The following RBFOX1 variants were observed in gnomAD, a reference collection of about 807,000 sequenced individuals.
RBFOX1 encodes the protein RNA binding fox-1 homolog 1, also known as RNA binding protein fox-1 homolog 1.
In RBFOX1, 8 loss-of-function variants were observed where a neutral mutation model predicts 57.7. The observed-to-expected ratio is 0.14, with a 90% confidence interval of 0.08 to 0.25. RBFOX1 has a LOEUF of 0.25. RBFOX1 is among the 10% of genes least tolerant of loss of function. The probability of loss-of-function intolerance (pLI) is 1.00; values close to 1 mark genes in which losing one functional copy is unlikely to be tolerated. For missense variants in RBFOX1, 611 were observed against 548.5 expected, an observed-to-expected ratio of 1.11 and a Z score of -1.14; for synonymous variants, 326 against 222.4, an observed-to-expected ratio of 1.47 and a Z score of -4.15.
intron 2 of RBFOX1, among the ~76,000 whole-genome samples, chr16:6,646,099 CTT>C (rs3045233): frequency 0.64 from 96,686 of 150,020 alleles, 31,080 homozygotes; most frequent in African/African-American, 0.72. Flanking sequence ...ATACTTAACA[CTT>C]TTAAGTAGTT....
chr16:7,170,032 C>G lies in RBFOX1; in HGVS notation c.27+117934C>G, dbSNP rs545715719. ...GAGGTTGCAGTGAACCAAGATTGTGCCAATGCACTCTAGCCTAGGTGATAG... is the reference window on the plus strand; with the variant it reads ...GAGGTTGCAGTGAACCAAGATTGTGGCAATGCACTCTAGCCTAGGTGATAG... On this transcript the variant is annotated intron_variant, in intron 4 of 15. Transcript: ENST00000550418. Among the ~76,000 whole-genome samples, 86 of 152,158 alleles carry G rather than the reference C, an allele frequency of 5.7e-4. 1 individual carries two copies. Among genetic ancestry groups the G allele is most frequent in the Non-Finnish European group, 9.6e-4 (65 of 68,008 alleles).
At chr16:6,937,946 G>A (rs1168417312) in intron 3 of RBFOX1, among the ~76,000 whole-genome samples, 3 of 125,730 alleles carry the variant, frequency 2.4e-5, no homozygotes, top group Non-Finnish European at 3.2e-5. Context: ...ACTTTGGAAT[G>A]CCCTGGCTGA....
At chr16:7,702,450 C>T (rs2081059774) in intron 14 of RBFOX1, among the ~76,000 whole-genome samples, 2 of 152,162 alleles carry the variant, frequency 1.3e-5, no homozygotes, top group Admixed American at 1.3e-4. Flanking sequence ...ACTGTGAGAT[C>T]TTACTGTTTT....
At chr16:6,402,945 A>G (rs1392463013) in intron 2 of RBFOX1, among the ~76,000 whole-genome samples, 1 of 152,160 alleles carries the variant, frequency 6.6e-6, no homozygotes, top group Non-Finnish European at 1.5e-5. Flanking sequence ...TTTTTTGTGG[A>G]TTAATACATC....
chr16:7,041,157 A>G (rs1473767671), intron 3 of RBFOX1, among the ~76,000 whole-genome samples: 1 of 143,164 alleles, frequency 7.0e-6, no homozygotes, highest in Non-Finnish European at 1.5e-5. Context: ...GCTGGTGTCG[A>G]ACATCTGACC....
chr16:5,924,349 C>T (rs1411892647), intron 4 of RBFOX1, among the ~76,000 whole-genome samples: 1 of 152,134 alleles, frequency 6.6e-6, no homozygotes, highest in African/African-American at 2.4e-5. Context: ...AATTTGATTG[C>T]TAATGTTGGA....
intron 2 of RBFOX1, among the ~76,000 whole-genome samples, chr16:6,520,988 C>A (rs1370328991): frequency 6.6e-6 from 1 of 152,076 alleles, no homozygotes; most frequent in Admixed American, 6.5e-5. Flanking sequence ...TGTAAATTGG[C>A]ATAAATTTTC....
intron 4 of RBFOX1, among the ~76,000 whole-genome samples, chr16:7,326,341 A>G (rs2096611417): frequency 6.6e-6 from 1 of 152,136 alleles, no homozygotes. Context: ...AGCAGGAGGT[A>G]GTGCTGGGAA....
chr16:7,148,757 G>A (rs2075542970), intron 4 of RBFOX1, among the ~76,000 whole-genome samples: 1 of 152,196 alleles, frequency 6.6e-6, no homozygotes, highest in Non-Finnish European at 1.5e-5. Flanking sequence ...AAGAGGCCTG[G>A]GAGGCAGAGC....
rs1460582295 is a variant in RBFOX1 at position 7,422,881 on chromosome 16, T to TG, written c.28-95265dup. The TG allele has an allele frequency of 2.0e-5, 3 of 152,454 alleles. No homozygotes were observed. In the East Asian group the frequency reaches 5.8e-4, roughly 29 times the overall value. 9.4% of individuals were successfully genotyped at this position (152,454 alleles called of 1,614,324 possible). A position where few individuals can be genotyped will look rare whatever the true frequency, so the allele number is the denominator to read the frequency against. The stretch of plus-strand genomic sequence containing the variant: ...GCCATATTCCTGATGCTTTTTCTTC[T>TG]GCCTCTTTTCTTTTTGCCATTTGCT... On this transcript the variant is annotated intron_variant, in intron 4 of 15. Transcript: ENST00000550418.
chr16:7,278,791 C>T (rs2095488545), intron 4 of RBFOX1, among the ~76,000 whole-genome samples: 1 of 152,292 alleles, frequency 6.6e-6, no homozygotes, highest in Non-Finnish European at 1.5e-5. Context: ...CTGATATGTA[C>T]ACTGATATTC....
intron 4 of RBFOX1, among the ~76,000 whole-genome samples, chr16:7,387,110 G>T (rs2097897229): frequency 6.6e-6 from 1 of 152,110 alleles, no homozygotes; most frequent in African/African-American, 2.4e-5. Context: ...TGTATTTGTA[G>T]ATTCTGGATA....
At chr16:7,137,167 A>C (rs2072257984) in intron 4 of RBFOX1, among the ~76,000 whole-genome samples, 1 of 152,254 alleles carries the variant, frequency 6.6e-6, no homozygotes, top group South Asian at 2.1e-4. Flanking sequence ...ATCTGAGTCC[A>C]GCTGCAAAGT....
intron 3 of RBFOX1, among the ~76,000 whole-genome samples, chr16:6,854,065 A>T (rs2057349172): frequency 6.6e-6 from 1 of 152,200 alleles, no homozygotes; most frequent in South Asian, 2.1e-4. Context: ...TCCTTCCAGA[A>T]ATCCTATTTA....
At chr16:5,735,974 T>C (rs1252806759) in intron 3 of RBFOX1, among the ~76,000 whole-genome samples, 1 of 152,080 alleles carries the variant, frequency 6.6e-6, no homozygotes, top group Non-Finnish European at 1.5e-5. Flanking sequence ...AGAGTACACA[T>C]GTGTTCTTAA....
chr16:7,055,970 A>C (rs974580491), intron 4 of RBFOX1, among the ~76,000 whole-genome samples: 3 of 152,202 alleles, frequency 2.0e-5, no homozygotes, highest in Non-Finnish European at 4.4e-5. Context: ...TGAATCTCAC[A>C]GGTCACATCT....
chr16:5,637,853 C>T (rs1024716725), intron 3 of RBFOX1, among the ~76,000 whole-genome samples: 1 of 152,176 alleles, frequency 6.6e-6, no homozygotes, highest in African/African-American at 2.4e-5. Context: ...CCAGGGGCCT[C>T]TCCTACCGCC....
At chr16:7,126,038 G>A (rs538779891) in intron 4 of RBFOX1, among the ~76,000 whole-genome samples, 19 of 152,202 alleles carry the variant, frequency 1.2e-4, no homozygotes, top group Admixed American at 3.3e-4. Flanking sequence ...AGCTGAGATC[G>A]CACCATTGCA....
intron 3 of RBFOX1, among the ~76,000 whole-genome samples, chr16:6,954,380 G>A (rs2081342890): frequency 2.6e-5 from 4 of 151,990 alleles, no homozygotes; most frequent in Admixed American, 2.0e-4. Flanking sequence ...TAGTAGTTCC[G>A]GCATGCATAG....
Sources: gnomAD v4.1 joint callset for allele counts (sites outside exome capture counted in the v4.1 genomes callset) on GRCh38, gnomAD v4.1.1 for gene constraint, MANE v1.5 for transcripts, NCBI Gene and HGNC (gene_info 2026-07-23, HGNC 2026-07-21) for gene names.